LRRC47: variants seen among roughly 807,000 people sequenced by gnomAD.
The protein encoded by LRRC47 is leucine rich repeat containing 47, also known as leucine-rich repeat-containing protein 47.
LRRC47 carries 31 observed loss-of-function variants against 40.9 expected under a neutral mutation model. The ratio of observed to expected loss-of-function variants is 0.76; its 90% CI spans 0.57 to 1.02. The LOEUF is 1.02. Ranked by LOEUF, LRRC47 falls within the 50% of genes least tolerant of loss-of-function variation. The pLI is 0.00. For missense variants in LRRC47, 726 were observed against 796.1 expected (o/e 0.91, Z 1.06); for synonymous variants, 427 against 371.9 (o/e 1.15, Z -1.70).
At position 3,787,006 on chromosome 1, in the gene LRRC47, A is replaced by G; in HGVS notation, c.920T>C (p.Leu307Pro). ...EEQDVGDAGR[L>P]LLRVLHVSEN... ...AGAGACGTGCAGGACCCTGAGCAGC[A>G]GCCGGCCGGCATCTCCCACGTCCTG... Residue 307 changes from leucine to proline, a missense_variant, in exon 2 of 7, where the codon CTG becomes CCG. Coordinates refer to ENST00000378251, the MANE Select transcript of LRRC47 (RefSeq NM_020710.3). 1 of 1,611,808 alleles carries G rather than the reference A, an allele frequency of 6.2e-7. No individual in the cohort carries two copies. Among genetic ancestry groups the G allele is most frequent in the South Asian group, 1.1e-5 (1 of 90,736 alleles).
rs554396717 is a variant in LRRC47, at chr1:3,791,874, C to T, written c.615+3988G>A. ...GTTTAAGCGTTCACCCCACCTCAGCCTCCTGAGTAGCTGGGACTACAGGTG... is the reference window on the plus strand; with the variant it reads ...GTTTAAGCGTTCACCCCACCTCAGCTTCCTGAGTAGCTGGGACTACAGGTG... On this transcript the variant is annotated intron_variant, in intron 1 of 6. Transcript: ENST00000378251. 3.9e-5 allele frequency among the ~76,000 whole-genome samples: 6 copies of T among 152,298 alleles called. No individual in the cohort carries two copies. The South Asian group carries it at 1.2e-3, about 32-fold the overall frequency.
chr1:3,796,023 CGCAGCGCGCCAGGTCGGCTG>C lies in LRRC47; in HGVS notation c.434_453del (p.Pro145ArgfsTer32). ...AGGTTGAGGCTCTGCAGGCGCGGGG[CGCAGCGCGCCAGGTCGGCTG>C]GCAGCTCGCGCAGCCGGTTGCCGCT... On this transcript the variant is annotated frameshift_variant, in exon 1 of 7. Coordinates refer to ENST00000378251, the MANE Select transcript of LRRC47 (RefSeq NM_020710.3). LOFTEE classifies it high-confidence loss of function. 6.5e-7 allele frequency: 1 copy of C among 1,548,402 alleles called. No homozygotes were observed. The highest frequency in any genetic ancestry group is 1.7e-4 in the Middle Eastern group (1 of 5,956).
intron 3 of LRRC47, 197 bp from the exon 4 acceptor site, chr1:3,784,308 C>T: frequency 1.2e-5 from 7 of 575,236 alleles, no homozygotes; most frequent in East Asian, 5.7e-5. Flanking sequence ...CCGGGGAGAC[C>T]TGACGCCCAA....
At chr1:3,794,496 G>A (rs1353312685) in intron 1 of LRRC47, among the ~76,000 whole-genome samples, 2 of 151,824 alleles carry the variant, frequency 1.3e-5, no homozygotes, top group East Asian at 2.0e-4. Flanking sequence ...ACAGGCACGC[G>A]CCACCAGGCC....
intron 1 of LRRC47, among the ~76,000 whole-genome samples, chr1:3,787,662 G>A (rs573352279): frequency 2.6e-5 from 4 of 152,328 alleles, no homozygotes; most frequent in African/African-American, 7.2e-5. Flanking sequence ...AAGAGACAGG[G>A]GATGTCTGGG....
chr1:3,784,755 G>A (rs1373870559), intron 3 of LRRC47, among the ~76,000 whole-genome samples: 1 of 152,210 alleles, frequency 6.6e-6, no homozygotes, highest in African/African-American at 2.4e-5. Flanking sequence ...CAGCACTTTG[G>A]GAGGCCAAGT....
At position 3,778,662 on chromosome 1, in the gene LRRC47, G is replaced by A. The variant is rs922576465; in HGVS notation, c.*2426C>T. ...GTTAAATACATTTCCAGCATCTCAC[G>A]CATCACAAGCTGCATCAGGAAAGGG... On this transcript the variant is annotated 3_prime_UTR_variant, in exon 7 of 7. Transcript: ENST00000378251. The A allele has an allele frequency of 1.3e-5, 2 of 153,300 alleles. 1 individual carries two copies. Among genetic ancestry groups the A allele is most frequent in the Middle Eastern group, 2.3e-3 (2 of 884 alleles). 9.5% of individuals were successfully genotyped at this position (153,300 alleles called of 1,614,324 possible).
chr1:3,793,661 C>T (rs1643647224), intron 1 of LRRC47, among the ~76,000 whole-genome samples: 1 of 152,114 alleles, frequency 6.6e-6, no homozygotes, highest in South Asian at 2.1e-4. Flanking sequence ...GAACCTAAGA[C>T]CGGCCTTCTG....
At chr1:3,786,170 G>C (rs780310496) in intron 2 of LRRC47, among the ~76,000 whole-genome samples, 1 of 152,078 alleles carries the variant, frequency 6.6e-6, no homozygotes, top group South Asian at 2.1e-4. Context: ...GCACCAGCTG[G>C]AACCCTGATT....
intron 1 of LRRC47, 81 bp from the exon 2 acceptor site, chr1:3,787,391 C>T: frequency 2.2e-6 from 3 of 1,345,076 alleles, no homozygotes; most frequent in Non-Finnish European, 3.0e-6. Flanking sequence ...GCAGGGAGAC[C>T]ACTCATCACT....
chr1:3,783,987 G>C lies in LRRC47; in HGVS notation c.1310+9C>G, dbSNP rs370914502. 1 of 1,598,102 alleles carries C rather than the reference G, an allele frequency of 6.3e-7. No homozygotes were observed. Among genetic ancestry groups the C allele is most frequent in the Non-Finnish European group, 8.5e-7 (1 of 1,175,724 alleles). ...GGCCCGGCCCCACCCCACCAGGCAC[G>C]CTGCCCACCTGTGCAGGCCCGACAC... is the stretch of plus-strand genomic sequence containing the variant. On this transcript the variant is annotated intron_variant, in intron 4 of 6. Transcript: ENST00000378251.
intron 1 of LRRC47, 46 bp downstream of exon 1, chr1:3,795,816 C>A: frequency 6.7e-7 from 1 of 1,495,264 alleles, no homozygotes; most frequent in Non-Finnish European, 8.9e-7. Flanking sequence ...TTCTCCAGGG[C>A]TACTCCAAGG....
intron 2 of LRRC47, 29 bp downstream of exon 2, chr1:3,786,820 G>T (rs774924237): frequency 1.3e-6 from 2 of 1,542,914 alleles, no homozygotes; most frequent in East Asian, 2.4e-5. Flanking sequence ...CTCTGTCCCA[G>T]TCATCTGAGG....
chr1:3,781,163 T>G lies in LRRC47; in HGVS notation c.1677A>C (p.Glu559Asp), dbSNP rs1190151899. Residue 559 changes from glutamate to aspartate, a missense_variant, in exon 7 of 7, where the codon GAA becomes GAC. Physicochemically the swap from Glu to Asp is conservative, Grantham distance 45. Transcript: ENST00000378251. ...ACGGGTACACCACCTTCAGGCTCCC[T>G]TCCAGATCCACCACCCGGACCTGCT... Reference protein sequence around the residue: ...VVEQVRVVDLEGSLKVVYPSK... With the variant: ...VVEQVRVVDLDGSLKVVYPSK... The G allele has an allele frequency of 6.2e-7, 1 of 1,614,102 alleles. No individual in the cohort carries two copies. The highest frequency in any genetic ancestry group is 8.5e-7 in the Non-Finnish European group (1 of 1,180,002).
intron 4 of LRRC47, among the ~76,000 whole-genome samples, chr1:3,783,585 G>A (rs1276109204): frequency 2.0e-5 from 3 of 152,212 alleles, no homozygotes; most frequent in African/African-American, 4.8e-5. Context: ...CACTGGGCTA[G>A]TTACGGATGA....
chr1:3,788,591 C>A (rs1262854914), intron 1 of LRRC47, among the ~76,000 whole-genome samples: 1 of 152,066 alleles, frequency 6.6e-6, no homozygotes, highest in Admixed American at 6.6e-5. Flanking sequence ...TTTCTCAAGC[C>A]CCAAGTTGTG....
At chr1:3,791,751 C>T (rs558405766) in intron 1 of LRRC47, among the ~76,000 whole-genome samples, 139 of 152,078 alleles carry the variant, frequency 9.1e-4, no homozygotes, top group Admixed American at 2.5e-3. Context: ...CCACCGCACC[C>T]GGCCTCTCTC....
rs150233565 is a variant in LRRC47, at chr1:3,795,104, A to G, written c.615+758T>C. Among the ~76,000 whole-genome samples, 815 of 152,090 alleles carry G rather than the reference A, an allele frequency of 5.4e-3. 26 individuals carry two copies. The highest frequency in any genetic ancestry group is 0.048 in the Admixed American group (734 of 15,282). ...GTCTGCATAAATTCAAAGACGAAAA[A>G]TGGGGGAAGAAATGCAGGACTGCCT... On this transcript the variant is annotated intron_variant, in intron 1 of 6. Transcript: ENST00000378251.
chr1:3,791,805 G>A (rs1364355518), intron 1 of LRRC47, among the ~76,000 whole-genome samples: 1 of 151,992 alleles, frequency 6.6e-6, no homozygotes, highest in Non-Finnish European at 1.5e-5. Flanking sequence ...CCAGGCTGGA[G>A]TGCAGTGGTG....
Sources: gnomAD v4.1 joint callset for allele counts (sites outside exome capture counted in the v4.1 genomes callset) on GRCh38, gnomAD v4.1.1 for gene constraint, MANE v1.5 for transcripts, NCBI Gene and HGNC (gene_info 2026-07-23, HGNC 2026-07-21) for gene names.